TCF7L2: variants seen among roughly 807,000 people sequenced by gnomAD.
TCF7L2 encodes the protein transcription factor 7-like 2.
A neutral mutation model predicts 77.9 loss-of-function variants in TCF7L2; 23 were observed. The observed-to-expected ratio is 0.30, with a 90% CI of 0.21 to 0.42. The LOEUF is 0.42. TCF7L2 is among the 10% of genes least tolerant of loss of function. The probability of loss-of-function intolerance (pLI) is 1.00; values close to 1 mark genes in which losing one functional copy is unlikely to be tolerated. For missense variants in TCF7L2, 654 were observed against 793.1 expected, an observed-to-expected ratio of 0.82 and a Z score of 2.11; for synonymous variants, 413 against 340.2, an observed-to-expected ratio of 1.21 and a Z score of -2.36.
At chr10:113,073,729 G>C (rs2058369933) in intron 5 of TCF7L2, among the ~76,000 whole-genome samples, 1 of 151,422 alleles carries the variant, frequency 6.6e-6, no homozygotes. Context: ...GACATTCTTG[G>C]CTCCGCCCTG....
chr10:113,102,118 A>C lies in TCF7L2; in HGVS notation c.553-39066A>C, dbSNP rs1458489832. ...GACAGAGCGTGACTCCATCAAAAAA[A>C]AAAAAAAAAAAAAAAAAAAAAAAAG... On this transcript the variant is annotated intron_variant, in intron 5 of 13. Coordinates refer to ENST00000627217, the MANE Select transcript of TCF7L2 (RefSeq NM_001146274.2). Among the ~76,000 whole-genome samples the C allele has an allele frequency of 6.3e-5, 8 of 127,732 alleles. No individual in the cohort carries two copies. In the South Asian group the frequency reaches 7.3e-4, roughly 12 times the overall value. The allele number at this position is 127,732 out of a possible 152,430, so 83.8% of individuals were successfully genotyped here. A position where few individuals can be genotyped will look rare whatever the true frequency, so the allele number is the denominator to read the frequency against.
intron 5 of TCF7L2, among the ~76,000 whole-genome samples, chr10:113,113,037 T>C (rs1403120665): frequency 1.3e-5 from 2 of 152,232 alleles, no homozygotes; most frequent in African/African-American, 4.8e-5. Flanking sequence ...GTCACCGTTA[T>C]CTGAAAAGCA....
chr10:113,010,322 A>G (rs1172784529), intron 4 of TCF7L2, among the ~76,000 whole-genome samples: 1 of 152,190 alleles, frequency 6.6e-6, no homozygotes, highest in Non-Finnish European at 1.5e-5. Flanking sequence ...AATGTGCTGC[A>G]CATTAGGTTC....
At chr10:113,105,996 A>T (rs111397821) in intron 5 of TCF7L2, among the ~76,000 whole-genome samples, 6 of 152,342 alleles carry the variant, frequency 3.9e-5, no homozygotes, top group African/African-American at 1.4e-4. Context: ...GGGTAAGGAG[A>T]TAGTAAGAAG....
At chr10:113,069,172 G>A (rs892732842) in intron 5 of TCF7L2, among the ~76,000 whole-genome samples, 3 of 152,046 alleles carry the variant, frequency 2.0e-5, no homozygotes, top group African/African-American at 4.8e-5. Context: ...TGGTGGTTGC[G>A]GTGGGCGCTG....
At chr10:113,113,818 A>G (rs1016688553) in intron 5 of TCF7L2, among the ~76,000 whole-genome samples, 2 of 152,194 alleles carry the variant, frequency 1.3e-5, no homozygotes, top group Non-Finnish European at 2.9e-5. Context: ...AGAGAGGGGA[A>G]TAAGAATATT....
chr10:112,976,925 C>T (rs1371508242), intron 4 of TCF7L2, among the ~76,000 whole-genome samples: 1 of 150,654 alleles, frequency 6.6e-6, no homozygotes, highest in Non-Finnish European at 1.5e-5. Flanking sequence ...TGACCATCTT[C>T]TGATTTTCAG....
chr10:113,044,002 C>T (rs965328909), intron 5 of TCF7L2, among the ~76,000 whole-genome samples: 3 of 152,134 alleles, frequency 2.0e-5, no homozygotes, highest in South Asian at 2.1e-4. Context: ...TCTTACAAAA[C>T]GGCAAAAGAC....
chr10:113,143,848 C>G, intron 6 of TCF7L2, 75 bp from the exon 7 acceptor site: 1 of 1,085,084 alleles, frequency 9.2e-7, no homozygotes, highest in Non-Finnish European at 1.4e-6. Context: ...CCTCCTTTCC[C>G]TGTTCCCATC....
intron 7 of TCF7L2, 60 bp downstream of exon 7, chr10:113,144,085 A>C (rs1359067355): frequency 1.5e-6 from 2 of 1,299,152 alleles, no homozygotes; most frequent in African/African-American, 1.8e-5. Flanking sequence ...TTTATTATTT[A>C]TTCTGTGTGT....
At chr10:113,043,262 G>T (rs1450281922) in intron 5 of TCF7L2, among the ~76,000 whole-genome samples, 1 of 152,200 alleles carries the variant, frequency 6.6e-6, no homozygotes, top group Non-Finnish European at 1.5e-5. Flanking sequence ...GGAATTCAGA[G>T]CATTTTGTTG....
intron 5 of TCF7L2, among the ~76,000 whole-genome samples, chr10:113,106,273 C>T (rs1314554671): frequency 6.6e-6 from 1 of 152,182 alleles, no homozygotes; most frequent in Non-Finnish European, 1.5e-5. Context: ...TCTTCAAATC[C>T]TCTCTTGAAC....
intron 5 of TCF7L2, among the ~76,000 whole-genome samples, chr10:113,112,659 A>G (rs1005590371): frequency 1.3e-5 from 2 of 152,244 alleles, no homozygotes; most frequent in African/African-American, 2.4e-5. Flanking sequence ...CTTCATGTGA[A>G]CAGCAAAAGT....
At chr10:112,983,822 C>A (rs140429065) in intron 4 of TCF7L2, among the ~76,000 whole-genome samples, 118 of 152,278 alleles carry the variant, frequency 7.7e-4, no homozygotes, top group Non-Finnish European at 1.2e-3. Context: ...CAGCATAGGT[C>A]AGCTTGTTGG....
At chr10:113,102,466 C>T (rs537128689) in intron 5 of TCF7L2, among the ~76,000 whole-genome samples, 131 of 150,782 alleles carry the variant, frequency 8.7e-4, no homozygotes, top group Non-Finnish European at 1.6e-3. Context: ...GCTCTGTCGC[C>T]GAGGCTGGAG....
chr10:113,097,945 G>A (rs2061224586), intron 5 of TCF7L2, among the ~76,000 whole-genome samples: 1 of 151,098 alleles, frequency 6.6e-6, no homozygotes, highest in Admixed American at 6.6e-5. Context: ...AGCTACTCGG[G>A]AGGCTGAGGC....
At chr10:113,131,322 A>T (rs2066566617) in intron 5 of TCF7L2, among the ~76,000 whole-genome samples, 2 of 152,196 alleles carry the variant, frequency 1.3e-5, no homozygotes, top group South Asian at 4.1e-4. Flanking sequence ...TCTCTCGTTG[A>T]GCGTAAAATA....
intron 3 of TCF7L2, among the ~76,000 whole-genome samples, chr10:112,961,123 C>T (rs148599614): frequency 0.072 from 10,900 of 152,144 alleles, 816 homozygotes; most frequent in East Asian, 0.31. Flanking sequence ...AAGCGATTCT[C>T]CTGCCTCAGC....
intron 4 of TCF7L2, among the ~76,000 whole-genome samples, chr10:113,010,130 G>C (rs908796028): frequency 6.6e-6 from 1 of 152,102 alleles, no homozygotes; most frequent in African/African-American, 2.4e-5. Flanking sequence ...ATAGAAGCTT[G>C]AGTCTGTGAT....
Sources: allele counts gnomAD v4.1 joint callset (sites outside exome capture counted in the v4.1 genomes callset), GRCh38; gene constraint gnomAD v4.1.1; transcripts MANE v1.5; gene names NCBI Gene and HGNC (gene_info 2026-07-23, HGNC 2026-07-21).